The following SPAG9 variants were observed in gnomAD, a reference collection of about 807,000 sequenced individuals.
The protein encoded by SPAG9 is C-Jun-amino-terminal kinase-interacting protein 4.
Under a neutral mutation model 166.5 loss-of-function variants are expected in SPAG9, and 35 were observed. That is an observed-to-expected ratio of 0.21 (90% confidence interval 0.16 to 0.28). SPAG9 has a LOEUF of 0.28. SPAG9 is among the 10% of genes least tolerant of loss of function. The pLI, the probability that SPAG9 is intolerant of heterozygous loss-of-function variation, is 1.00. For missense variants in SPAG9, 1,235 were observed against 1,603.3 expected, an observed-to-expected ratio of 0.77 and a Z score of 3.92; for synonymous variants, 534 against 565.5, an observed-to-expected ratio of 0.94 and a Z score of 0.79.
At chr17:51,036,828 G>T (rs1302102156) in intron 5 of SPAG9, among the ~76,000 whole-genome samples, 2 of 152,130 alleles carry the variant, frequency 1.3e-5, no homozygotes, top group African/African-American at 4.8e-5. Flanking sequence ...CCTCTGCCCT[G>T]CCTGGTGGCT....
chr17:51,088,005 A>G (rs1351653378), intron 1 of SPAG9, among the ~76,000 whole-genome samples: 1 of 152,156 alleles, frequency 6.6e-6, no homozygotes, highest in Non-Finnish European at 1.5e-5. Context: ...TCAGCCTCCC[A>G]AAGTGCTGGG....
chr17:51,109,210 A>T (rs1291135775), intron 1 of SPAG9, among the ~76,000 whole-genome samples: 1 of 151,776 alleles, frequency 6.6e-6, no homozygotes, highest in African/African-American at 2.4e-5. Context: ...TCCGTTTTAT[A>T]TATTTCACAT....
At position 51,120,846 on chromosome 17, in the gene SPAG9, C is replaced by T; in HGVS notation, c.-190G>A. 1 of 376,894 alleles carries T rather than the reference C, an allele frequency of 2.7e-6. No homozygotes were observed. The allele number at this position is 376,894 out of a possible 1,614,324, so 23.3% of individuals were successfully genotyped here. On this transcript the variant is annotated 5_prime_UTR_variant, in exon 1 of 30. Transcript: ENST00000262013. The surrounding 1 kb of genome is among the most constrained non-coding windows in gnomAD (Gnocchi z 4.7). ...AGGGGTGGCGTAGGCGCTCTCACCC[C>T]AACCGCCGCTGCACCAACTGCCGGG...
chr17:51,112,720 C>G (rs1455420865), intron 1 of SPAG9, among the ~76,000 whole-genome samples: 3 of 140,776 alleles, frequency 2.1e-5, no homozygotes, highest in African/African-American at 8.0e-5. Flanking sequence ...ATCCACAAGG[C>G]AGGAGGATCC....
intron 1 of SPAG9, among the ~76,000 whole-genome samples, chr17:51,099,126 G>C (rs2048728678): frequency 7.1e-6 from 1 of 141,584 alleles, no homozygotes; most frequent in African/African-American, 2.6e-5. Context: ...AAAAGAATAT[G>C]ATGTACCATT....
chr17:51,117,497 G>A (rs902582063), intron 1 of SPAG9, among the ~76,000 whole-genome samples: 5 of 151,742 alleles, frequency 3.3e-5, no homozygotes, highest in African/African-American at 1.2e-4. Flanking sequence ...AGATCACGAG[G>A]TCAGGAGATT....
intron 25 of SPAG9, among the ~76,000 whole-genome samples, chr17:50,982,057 A>C (rs1974697821): frequency 6.6e-6 from 1 of 152,092 alleles, no homozygotes; most frequent in South Asian, 2.1e-4. Flanking sequence ...GAAAAAAGAA[A>C]AAAAGAAAAT....
chr17:50,981,987 C>T (rs1196622127), intron 25 of SPAG9, among the ~76,000 whole-genome samples: 1 of 150,280 alleles, frequency 6.7e-6, no homozygotes, highest in Non-Finnish European at 1.5e-5. Flanking sequence ...GAGCCAAGAA[C>T]ATGCCACTGC....
chr17:51,086,255 C>T (rs1211585922), intron 1 of SPAG9, among the ~76,000 whole-genome samples: 4 of 149,430 alleles, frequency 2.7e-5, no homozygotes, highest in African/African-American at 9.8e-5. Flanking sequence ...GCTGGGATTA[C>T]AGGTGTGAGC....
chr17:50,979,980 T>G, intron 25 of SPAG9, 63 bp from the exon 26 acceptor site: 1 of 1,506,666 alleles, frequency 6.6e-7, no homozygotes, highest in Non-Finnish European at 9.2e-7. Flanking sequence ...TTTAAAACTG[T>G]GCTAATTTGC....
intron 21 of SPAG9, chr17:50,989,476 A>C (rs1235985228): frequency 3.2e-6 from 2 of 616,646 alleles, no homozygotes; most frequent in Non-Finnish European, 5.7e-6. Flanking sequence ...TTTAAATTGG[A>C]AGGTGTACAG....
At chr17:51,078,780 AT>A (rs2048084629) in intron 2 of SPAG9, among the ~76,000 whole-genome samples, 1 of 151,940 alleles carries the variant, frequency 6.6e-6, no homozygotes, top group Non-Finnish European at 1.5e-5. Flanking sequence ...AAATGGCCCC[AT>A]TTTTCCATTA....
intron 19 of SPAG9, among the ~76,000 whole-genome samples, chr17:50,993,173 G>C (rs564660255): frequency 6.6e-6 from 1 of 150,554 alleles, no homozygotes; most frequent in Non-Finnish European, 1.5e-5. Flanking sequence ...ACAATTAGCC[G>C]GGCGTGGTGG....
At chr17:51,080,338 T>C (rs998505410) in intron 1 of SPAG9, among the ~76,000 whole-genome samples, 1 of 152,042 alleles carries the variant, frequency 6.6e-6, no homozygotes, top group African/African-American at 2.4e-5. Flanking sequence ...TGTTTTCTTG[T>C]TTGCTGCTCG....
intron 2 of SPAG9, among the ~76,000 whole-genome samples, chr17:51,063,088 A>T (rs1171905128): frequency 2.0e-5 from 3 of 152,094 alleles, no homozygotes; most frequent in Non-Finnish European, 4.4e-5. Flanking sequence ...ATTTTAAGAT[A>T]TTTTCAACTT....
At chr17:51,092,302 G>C (rs2048487778) in intron 1 of SPAG9, among the ~76,000 whole-genome samples, 1 of 151,544 alleles carries the variant, frequency 6.6e-6, no homozygotes, top group South Asian at 2.1e-4. Context: ...AAATGATTTG[G>C]TTTCTTCTAC....
At chr17:51,021,745 CAG>C (rs1392669780) in intron 6 of SPAG9, among the ~76,000 whole-genome samples, 5 of 152,108 alleles carry the variant, frequency 3.3e-5, no homozygotes, top group African/African-American at 1.2e-4. Context: ...TGATCTAAAA[CAG>C]AAGTAGAATA....
intron 1 of SPAG9, among the ~76,000 whole-genome samples, chr17:51,113,325 C>G (rs2049176922): frequency 7.0e-6 from 1 of 143,806 alleles, no homozygotes; most frequent in Admixed American, 7.3e-5. Flanking sequence ...TGCGCTCCAG[C>G]CTGGGCAACA....
intron 3 of SPAG9, among the ~76,000 whole-genome samples, chr17:51,048,173 G>A (rs2047082578): frequency 6.6e-6 from 1 of 151,996 alleles, no homozygotes; most frequent in African/African-American, 2.4e-5. Context: ...AGCTGAATAA[G>A]AAAGTAAAAA....
Sources: allele counts gnomAD v4.1 joint callset (sites outside exome capture counted in the v4.1 genomes callset), GRCh38; gene constraint gnomAD v4.1.1; non-coding constraint Gnocchi (gnomAD v3.1); transcripts MANE v1.5; gene names NCBI Gene and HGNC (gene_info 2026-07-23, HGNC 2026-07-21).